Variants in TCF20 observed in about 807,000 individuals in gnomAD.
TCF20 encodes transcription factor 20, also known as SPRE-binding protein.
Under a neutral mutation model 148.6 loss-of-function variants are expected in TCF20, and 3 were observed. The observed-to-expected ratio is 0.02, with a 90% confidence interval of 0.01 to 0.05. The LOEUF is 0.05. TCF20 is among the 10% of genes least tolerant of loss of function. TCF20 has a pLI of 1.00. For synonymous variants in TCF20, 1,049 were observed against 909.5 expected, an observed-to-expected ratio of 1.15 and a Z score of -2.76; for missense variants, 2,350 against 2,429.3, an observed-to-expected ratio of 0.97 and a Z score of 0.69.
chr22:42,216,191 A>C (rs950174915), intron 1 of TCF20, among the ~76,000 whole-genome samples: 1 of 144,976 alleles, frequency 6.9e-6, no homozygotes, highest in African/African-American at 2.6e-5. Flanking sequence ...CTGGCTTCAA[A>C]TGATCCTCCT....
chr22:42,224,522 C>T (rs1416506663), intron 1 of TCF20, among the ~76,000 whole-genome samples: 1 of 68,102 alleles, frequency 1.5e-5, no homozygotes, highest in African/African-American at 6.0e-5. Context: ...TTAGGTTAGG[C>T]TAAAGCTGGT....
intron 1 of TCF20, among the ~76,000 whole-genome samples, chr22:42,311,102 G>A (rs1014335648): frequency 6.6e-5 from 10 of 152,132 alleles, no homozygotes; most frequent in South Asian, 2.1e-4. Context: ...TGCAGGAATC[G>A]GGGGACAGGG....
intron 1 of TCF20, among the ~76,000 whole-genome samples, chr22:42,242,609 A>C (rs779107517): frequency 3.9e-5 from 6 of 151,916 alleles, no homozygotes; most frequent in Non-Finnish European, 8.8e-5. Context: ...CTACCCGGCC[A>C]GGCGAGGTGG....
At chr22:42,270,120 G>A (rs1423417104) in intron 1 of TCF20, 4 of 152,122 alleles carry the variant, frequency 2.6e-5, no homozygotes, top group Non-Finnish European at 5.9e-5. Flanking sequence ...TCTGATGCCA[G>A]GCCTGGCCCG....
At chr22:42,257,720 A>G (rs970998921) in intron 1 of TCF20, among the ~76,000 whole-genome samples, 23 of 152,200 alleles carry the variant, frequency 1.5e-4, no homozygotes, top group African/African-American at 5.3e-4. Context: ...TACCCAAAAG[A>G]TAAGAGAGAT....
At position 42,212,820 on chromosome 22, in the gene TCF20, G is replaced by A. The variant is rs2147211398; in HGVS notation, c.2486C>T (p.Pro829Leu). The A allele has an allele frequency of 6.2e-7, 1 of 1,614,204 alleles. No homozygotes were observed. The highest frequency in any genetic ancestry group is 2.2e-5 in the East Asian group (1 of 44,886). Residue 829 changes from proline (P) to leucine (L), a missense_variant, in exon 2 of 6, where the codon CCT (proline) becomes CTT (leucine). Physicochemically the swap from Pro to Leu is moderately conservative, Grantham distance 98. Around this residue, in one of 7 missense-constraint regions of TCF20, gnomAD observed 1,641 missense variants for 1,662.6 expected, o/e 0.99. Transcript: ENST00000677622. ...AGTCAAATTGATCTGTTTCATTTCA[G>A]GAGCTGTGCTGCTTGATTTCCTTTC... ...PWERKSSSTA[P>L]EMKQINLTDY... is the part of the protein sequence containing the mutation.
intron 1 of TCF20, among the ~76,000 whole-genome samples, chr22:42,306,302 G>A (rs986098616): frequency 6.6e-6 from 1 of 152,262 alleles, no homozygotes; most frequent in African/African-American, 2.4e-5. Context: ...GGAAAGTGGC[G>A]CGAGGGCTGA....
chr22:42,221,620 T>C (rs1021960534), intron 1 of TCF20, among the ~76,000 whole-genome samples: 1 of 151,710 alleles, frequency 6.6e-6, no homozygotes, highest in Non-Finnish European at 1.5e-5. Flanking sequence ...TGCAAGAAAG[T>C]AAGAAATGCC....
intron 1 of TCF20, among the ~76,000 whole-genome samples, chr22:42,230,389 T>C (rs966914252): frequency 2.6e-5 from 4 of 152,244 alleles, no homozygotes; most frequent in Non-Finnish European, 2.9e-5. Flanking sequence ...CATACAACTA[T>C]GTACAGTACA....
chr22:42,215,813 A>G (rs577576812), intron 1 of TCF20, among the ~76,000 whole-genome samples: 3 of 152,228 alleles, frequency 2.0e-5, no homozygotes, highest in Admixed American at 2.0e-4. Context: ...ACTTCTGAAA[A>G]TGCACATATG....
chr22:42,274,397 A>T (rs928396117), upstream of TCF20: 1 of 152,258 alleles, frequency 6.6e-6, no homozygotes, highest in African/African-American at 2.4e-5. Context: ...CTGAGCCCGC[A>T]TGGAGGGAGC....
At chr22:42,298,626 G>A (rs943980397) in intron 1 of TCF20, among the ~76,000 whole-genome samples, 9 of 152,338 alleles carry the variant, frequency 5.9e-5, no homozygotes, top group South Asian at 2.1e-4. Context: ...GGGGGAGGGG[G>A]CAGTGGGACA....
chr22:42,331,503 T>C (rs1442921194), intron 1 of TCF20, among the ~76,000 whole-genome samples: 4 of 152,212 alleles, frequency 2.6e-5, no homozygotes, highest in Non-Finnish European at 5.9e-5. Context: ...GGGACCCCCA[T>C]CACCAGCCCT....
intron 1 of TCF20, among the ~76,000 whole-genome samples, chr22:42,295,129 G>A (rs1927208318): frequency 6.6e-6 from 1 of 152,210 alleles, no homozygotes; most frequent in Non-Finnish European, 1.5e-5. Context: ...CAGGAGGAGA[G>A]AGGGTGACAC....
chr22:42,203,547 C>A (rs185447218), intron 2 of TCF20, among the ~76,000 whole-genome samples: 3 of 152,118 alleles, frequency 2.0e-5, no homozygotes, highest in Admixed American at 6.6e-5. Context: ...AGAAAATGAA[C>A]CTTTTCTCTG....
Position 42,210,013 on chromosome 22 carries a change from C to G in TCF20, c.5293G>C (p.Glu1765Gln), listed in dbSNP as rs1258303435. ...TGCTGCTGCTGCTCTTCCTCCTCCT[C>G]AGTGTCCGTCTTGGAGCCATTAGAA... ...SASNGSKTDT[E>Q]EEEEQQQQQK... Residue 1765 changes from glutamate (E) to glutamine (Q), a missense_variant, in exon 2 of 6, where the codon GAG (glutamate) becomes CAG (glutamine). This residue lies in a region of TCF20 where 374 missense variants were observed against 398.3 expected (regional missense o/e 0.94). Coordinates refer to ENST00000677622, the MANE Select transcript of TCF20 (RefSeq NM_001378418.1). This position sits in a 1 kb window ranked among gnomAD's most constrained non-coding sequence, Gnocchi z 4.7. 6.2e-7 allele frequency: 1 copy of G among 1,612,796 alleles called. No homozygotes were observed. The highest frequency in any genetic ancestry group is 2.2e-5 in the East Asian group (1 of 44,896).
chr22:42,182,077 C>T (rs927930468), intron 2 of TCF20, among the ~76,000 whole-genome samples: 1 of 152,188 alleles, frequency 6.6e-6, no homozygotes, highest in Admixed American at 6.5e-5. Context: ...CCTGGGCCTA[C>T]CATGACACTG....
chr22:42,205,285 G>A (rs1938311048), intron 2 of TCF20, among the ~76,000 whole-genome samples: 1 of 138,870 alleles, frequency 7.2e-6, no homozygotes, highest in South Asian at 2.1e-4. Context: ...ACACTTGTGG[G>A]AAGGGAAAAA....
upstream of TCF20, among the ~76,000 whole-genome samples, chr22:42,270,760 C>CGCGG (rs1228338129): frequency 7.1e-6 from 1 of 140,364 alleles, no homozygotes; most frequent in South Asian, 2.2e-4. Flanking sequence ...GGGCGGGGCG[C>CGCGG]TGGGGGCGGG....
Sources: gnomAD v4.1 joint callset for allele counts (sites outside exome capture counted in the v4.1 genomes callset) on GRCh38, gnomAD v4.1.1 for gene constraint, gnomAD v4.1.1 regional missense constraint, Gnocchi (gnomAD v3.1) non-coding constraint, MANE v1.5 for transcripts, NCBI Gene and HGNC (gene_info 2026-07-23, HGNC 2026-07-21) for gene names.